Variants in KCNQ1 observed in about 807,000 individuals in gnomAD.
KCNQ1 encodes the protein potassium voltage-gated channel subfamily Q member 1.
In KCNQ1, 49 loss-of-function variants were observed where a neutral mutation model predicts 72.4. The ratio of observed to expected loss-of-function variants is 0.68; its 90% CI spans 0.54 to 0.86. The LOEUF is 0.86. Among genes scored for constraint, KCNQ1 ranks in the 40% least tolerant of loss-of-function variants. The pLI is 0.00. For synonymous variants in KCNQ1, 450 were observed against 412.6 expected (o/e 1.09, Z -1.10); for missense variants, 790 against 945.1 (o/e 0.84, Z 2.15).
At position 2,478,094 on chromosome 11, in the gene KCNQ1, C is replaced by T. The variant is rs759744239; in HGVS notation, c.386+32610C>T. Among the ~76,000 whole-genome samples, 1 of 152,180 alleles carries T rather than the reference C, an allele frequency of 6.6e-6. No individual in the cohort carries two copies. The highest frequency in any genetic ancestry group is 1.9e-4 in the East Asian group (1 of 5,186). Reference sequence around the variant, plus strand: ...AATGGGACAGGCCAGCTTCACCACCCTCCGGATGGACAGCCTCGGTAGCAG... The same window carrying T: ...AATGGGACAGGCCAGCTTCACCACCTTCCGGATGGACAGCCTCGGTAGCAG... On this transcript the variant is annotated intron_variant, in intron 1 of 15. Coordinates refer to ENST00000155840, the MANE Select transcript of KCNQ1 (RefSeq NM_000218.3). This position sits in a 1 kb window ranked among gnomAD's most constrained non-coding sequence, Gnocchi z 4.0.
Position 2,627,261 on chromosome 11 carries a change from T to C in KCNQ1, c.1394-34700T>C, listed in dbSNP as rs1348587006. ...ATTTGACCTACTGTGAAATGATTAC[T>C]ACAATCAAGCCAATTAACATATACC... On this transcript the variant is annotated intron_variant, in intron 10 of 15. Transcript: ENST00000155840. This position sits in a 1 kb window ranked among gnomAD's most constrained non-coding sequence, Gnocchi z 4.9. 5.0e-6 allele frequency: 2 copies of C among 398,440 alleles called. No homozygotes were observed. Among genetic ancestry groups the C allele is most frequent in the Non-Finnish European group, 8.8e-6 (2 of 226,052 alleles). 24.7% of individuals were successfully genotyped at this position (398,440 alleles called of 1,614,324 possible).
At chr11:2,763,218 C>G (rs532194572) in intron 11 of KCNQ1, among the ~76,000 whole-genome samples, 14 of 152,218 alleles carry the variant, frequency 9.2e-5, no homozygotes, top group African/African-American at 3.4e-4. Flanking sequence ...CTTTATCTGT[C>G]TCTCCAATGC....
chr11:2,535,161 C>T lies in KCNQ1; in HGVS notation c.477+7143C>T, dbSNP rs531955687. ...CTGCCTGGAGCCCACCCCAGGGAGA[C>T]AGAGGCTCTCGGAGCCTGTTCAGGG... On this transcript the variant is annotated intron_variant, in intron 2 of 15. Transcript: ENST00000155840. 2.0e-3 allele frequency among the ~76,000 whole-genome samples: 304 copies of T among 152,346 alleles called. 2 individuals carry two copies. The highest frequency in any genetic ancestry group is 6.8e-3 in the Middle Eastern group (2 of 294).
At chr11:2,585,397 T>C in intron 8 of KCNQ1, 90 bp downstream of exon 8, 1 of 1,170,278 alleles carries the variant, frequency 8.5e-7, no homozygotes, top group Non-Finnish European at 1.3e-6. Flanking sequence ...GAACCATCAT[T>C]GGCCCCTGCA....
chr11:2,512,827 G>C (rs909413), intron 1 of KCNQ1, among the ~76,000 whole-genome samples: 39,283 of 152,194 alleles, frequency 0.26, 5,771 homozygotes, highest in East Asian at 0.47. Context: ...ACCCCTAGCC[G>C]TGGGAGTTGG....
rs1213533148 is a variant in KCNQ1, at chr11:2,715,544, TG to T, written c.1515-53296del. Among the ~76,000 whole-genome samples, 1 of 152,072 alleles carries T rather than the reference TG, an allele frequency of 6.6e-6. No homozygotes were observed. Among genetic ancestry groups the T allele is most frequent in the Non-Finnish European group, 1.5e-5 (1 of 67,988 alleles). On this transcript the variant is annotated intron_variant, in intron 11 of 15. Transcript: ENST00000155840. This position sits in a 1 kb window ranked among gnomAD's most constrained non-coding sequence, Gnocchi z 4.9. The stretch of plus-strand genomic sequence containing the variant: ...ACTTCGTTTCCAGCCGGAGTGTACC[TG>T]GGGATGCCTGTGCCCAAGCCTTCCT...
At chr11:2,733,856 T>TCTCTCC (rs1554914285) in intron 11 of KCNQ1, among the ~76,000 whole-genome samples, 2 of 22,248 alleles carry the variant, frequency 9.0e-5, no homozygotes, top group African/African-American at 4.9e-4. Context: ...TCTCTCTCTC[T>TCTCTCC]CCCCCCCCAC....
In KCNQ1 at chr11:2,673,059, A is replaced by C. The variant is rs1850215538; in HGVS notation, c.1514+10978A>C. Reference sequence around the variant, plus strand: ...CTAGGGCTGGCCAAAAGGGACAGTGAAGTTGGCTTCTCAGGCCACAGTAGG... The same window carrying C: ...CTAGGGCTGGCCAAAAGGGACAGTGCAGTTGGCTTCTCAGGCCACAGTAGG... On this transcript the variant is annotated intron_variant, in intron 11 of 15. Transcript: ENST00000155840. The surrounding 1 kb of genome is among the most constrained non-coding windows in gnomAD (Gnocchi z 4.5). 1 of 398,830 alleles carries C rather than the reference A, an allele frequency of 2.5e-6. No homozygotes were observed. Among genetic ancestry groups the C allele is most frequent in the Non-Finnish European group, 4.4e-6 (1 of 226,214 alleles). The allele number at this position is 398,830 out of a possible 1,614,324, so 24.7% of individuals were successfully genotyped here. A position where few individuals can be genotyped will look rare whatever the true frequency, so the allele number is the denominator to read the frequency against.
Position 2,611,974 on chromosome 11 carries a change from CCTT to C in KCNQ1, c.1393+23123_1393+23125del, listed in dbSNP as rs1848985325. On this transcript the variant is annotated intron_variant, in intron 10 of 15. Transcript: ENST00000155840. The surrounding 1 kb of genome is among the most constrained non-coding windows in gnomAD (Gnocchi z 5.3). Reference sequence around the variant, plus strand: ...AATATTTTTGTCTGCCCTATTCTCTCCTTCTCAGTACTCTTATTAACACATATG... The same window carrying C: ...AATATTTTTGTCTGCCCTATTCTCTCCTCAGTACTCTTATTAACACATATG... 2.5e-6 allele frequency: 1 copy of C among 398,628 alleles called. No homozygotes were observed. The highest frequency in any genetic ancestry group is 4.4e-6 in the Non-Finnish European group (1 of 226,068). 24.7% of individuals were successfully genotyped at this position (398,628 alleles called of 1,614,324 possible).
rs193048797 is a variant in KCNQ1, at chr11:2,481,296, C to T, written c.386+35812C>T. ...AAAGAAGAAAAGTAAAATGACTCAT[C>T]GTACCAAAAGCCAGAGATGCCAGCT... On this transcript the variant is annotated intron_variant, in intron 1 of 15. Transcript: ENST00000155840. The surrounding 1 kb of genome is among the most constrained non-coding windows in gnomAD (Gnocchi z 4.6). Among the ~76,000 whole-genome samples the T allele has an allele frequency of 1.5e-3, 224 of 152,254 alleles. 1 individual carries two copies. Among genetic ancestry groups the T allele is most frequent in the Non-Finnish European group, 6.0e-4 (41 of 68,020 alleles).
In KCNQ1 at chr11:2,603,387, T is replaced by A. The variant is rs1848833924; in HGVS notation, c.1393+14533T>A. Among the ~76,000 whole-genome samples, 1 of 152,210 alleles carries A rather than the reference T, an allele frequency of 6.6e-6. No homozygotes were observed. Among genetic ancestry groups the A allele is most frequent in the South Asian group, 2.1e-4 (1 of 4,818 alleles). ...GTGCAGGCTTACCACACACATTTAA[T>A]TTTTTAAAAACACAATATCCACAAA... On this transcript the variant is annotated intron_variant, in intron 10 of 15. Transcript: ENST00000155840. This position sits in a 1 kb window ranked among gnomAD's most constrained non-coding sequence, Gnocchi z 4.1.
At position 2,668,842 on chromosome 11, in the gene KCNQ1, G is replaced by T. The variant is rs1166997483; in HGVS notation, c.1514+6761G>T. The T allele has an allele frequency of 2.5e-6, 1 of 398,328 alleles. No homozygotes were observed. The highest frequency in any genetic ancestry group is 4.4e-6 in the Non-Finnish European group (1 of 226,056). The allele number at this position is 398,328 out of a possible 1,614,324, so 24.7% of individuals were successfully genotyped here. On this transcript the variant is annotated intron_variant, in intron 11 of 15. Transcript: ENST00000155840. The surrounding 1 kb of genome is among the most constrained non-coding windows in gnomAD (Gnocchi z 4.3). ...AATCAAACATTTCCTCTCTGGATAGGGCTGTTTGTGTCCTATTTAAGAAAC... is the reference window on the plus strand; with the variant it reads ...AATCAAACATTTCCTCTCTGGATAGTGCTGTTTGTGTCCTATTTAAGAAAC...
rs1846849231 is a variant in KCNQ1 at position 2,782,979 on chromosome 11, C to G, written c.1794+4942C>G. ...CTTAATATACTGTTCTTTCTCTAAC[C>G]TCTCTAAATTAAGAAGAGGATAATT... On this transcript the variant is annotated intron_variant, in intron 15 of 15. Coordinates refer to ENST00000155840, the MANE Select transcript of KCNQ1 (RefSeq NM_000218.3). The surrounding 1 kb of genome is among the most constrained non-coding windows in gnomAD (Gnocchi z 6.1). Among the ~76,000 whole-genome samples, 1 of 152,056 alleles carries G rather than the reference C, an allele frequency of 6.6e-6. No homozygotes were observed. The highest frequency in any genetic ancestry group is 2.4e-5 in the African/African-American group (1 of 41,424).
At chr11:2,728,405 T>C (rs982191896) in intron 11 of KCNQ1, among the ~76,000 whole-genome samples, 1 of 152,256 alleles carries the variant, frequency 6.6e-6, no homozygotes, top group African/African-American at 2.4e-5. Context: ...AGCTGCTTTT[T>C]CTATAGGACC....
chr11:2,567,158 C>G lies in KCNQ1; in HGVS notation c.478-3470C>G, dbSNP rs1442643120. Among the ~76,000 whole-genome samples, 5 of 152,122 alleles carry G rather than the reference C, an allele frequency of 3.3e-5. No homozygotes were observed. The highest frequency in any genetic ancestry group is 7.4e-5 in the Non-Finnish European group (5 of 68,000). ...TCACCCTCAGTGTGGACAGCAGGAGCTATGGCAGCTGCTTGAGCAAGGTGG... is the reference window on the plus strand; with the variant it reads ...TCACCCTCAGTGTGGACAGCAGGAGGTATGGCAGCTGCTTGAGCAAGGTGG... On this transcript the variant is annotated intron_variant, in intron 2 of 15. Coordinates refer to ENST00000155840, the MANE Select transcript of KCNQ1 (RefSeq NM_000218.3). This position sits in a 1 kb window ranked among gnomAD's most constrained non-coding sequence, Gnocchi z 6.6.
rs527748906 is a variant in KCNQ1 at position 2,541,316 on chromosome 11, G to C, written c.477+13298G>C. On this transcript the variant is annotated intron_variant, in intron 2 of 15. Coordinates refer to ENST00000155840, the MANE Select transcript of KCNQ1 (RefSeq NM_000218.3). This position sits in a 1 kb window ranked among gnomAD's most constrained non-coding sequence, Gnocchi z 4.8. ...GAGCACCATGTGCTGAGAATGATGC[G>C]TGCATTCAGAGCAGCATTTGGTGGG... Among the ~76,000 whole-genome samples the C allele has an allele frequency of 2.0e-5, 3 of 152,362 alleles. No homozygotes were observed. The highest frequency in any genetic ancestry group is 1.3e-4 in the Admixed American group (2 of 15,314).
chr11:2,484,888 T>C lies in KCNQ1; in HGVS notation c.386+39404T>C, dbSNP rs1589906647. Among the ~76,000 whole-genome samples the C allele has an allele frequency of 6.6e-6, 1 of 152,226 alleles. No homozygotes were observed. The highest frequency in any genetic ancestry group is 1.9e-4 in the East Asian group (1 of 5,192). ...CCCCAGTGGGGCCAATTCTCTCTCTTTGTTGTAACACCTTTCTTCAATAGT... is the reference window on the plus strand; with the variant it reads ...CCCCAGTGGGGCCAATTCTCTCTCTCTGTTGTAACACCTTTCTTCAATAGT... On this transcript the variant is annotated intron_variant, in intron 1 of 15. Transcript: ENST00000155840. The surrounding 1 kb of genome is among the most constrained non-coding windows in gnomAD (Gnocchi z 5.2).
rs530784704 is a variant in KCNQ1 at position 2,588,488 on chromosome 11, G to A, written c.1252-225G>A. ...TTCCTGCTGTCCTGTTAGCGAGGCC[G>A]TGAGCTCACAGGGCAGCACCTGGGC... On this transcript the variant is annotated intron_variant, in intron 9 of 15. Coordinates refer to ENST00000155840, the MANE Select transcript of KCNQ1 (RefSeq NM_000218.3). This position sits in a 1 kb window ranked among gnomAD's most constrained non-coding sequence, Gnocchi z 5.6. 1.1e-4 allele frequency among the ~76,000 whole-genome samples: 16 copies of A among 152,232 alleles called. No homozygotes were observed. Among genetic ancestry groups the A allele is most frequent in the South Asian group, 6.2e-4 (3 of 4,818 alleles).
At position 2,724,017 on chromosome 11, in the gene KCNQ1, C is replaced by T. The variant is rs1405581598; in HGVS notation, c.1515-44827C>T. On this transcript the variant is annotated intron_variant, in intron 11 of 15. Coordinates refer to ENST00000155840, the MANE Select transcript of KCNQ1 (RefSeq NM_000218.3). The surrounding 1 kb of genome is among the most constrained non-coding windows in gnomAD (Gnocchi z 6.8). ...AGAACATGGCTCTCTGTGTCTGACA[C>T]AGAGCCCTGTACTCCATCTATGCAG... Among the ~76,000 whole-genome samples the T allele has an allele frequency of 6.6e-6, 1 of 152,144 alleles. No homozygotes were observed. Among genetic ancestry groups the T allele is most frequent in the Non-Finnish European group, 1.5e-5 (1 of 68,026 alleles).
Sources: gnomAD v4.1 joint callset for allele counts (sites outside exome capture counted in the v4.1 genomes callset) on GRCh38, gnomAD v4.1.1 for gene constraint, Gnocchi (gnomAD v3.1) non-coding constraint, MANE v1.5 for transcripts, NCBI Gene and HGNC (gene_info 2026-07-23, HGNC 2026-07-21) for gene names.